Variants in ARPC2 observed in about 807,000 individuals in gnomAD.
ARPC2 encodes actin-related protein 2/3 complex subunit 2.
ARPC2 carries 4 observed loss-of-function variants against 38.6 expected under a neutral mutation model. That is an observed-to-expected ratio of 0.10 (90% CI 0.05 to 0.24). The LOEUF is 0.24. Ranked by LOEUF, ARPC2 falls within the 10% of genes least tolerant of loss-of-function variation. ARPC2 has a pLI of 1.00. For synonymous variants in ARPC2, 125 were observed against 140.8 expected (o/e 0.89, Z 0.79); for missense variants, 229 against 387.3 (o/e 0.59, Z 3.43).
intron 4 of ARPC2, among the ~76,000 whole-genome samples, chr2:218,232,084 T>C (rs1351804471): frequency 1.3e-5 from 2 of 151,858 alleles, no homozygotes; most frequent in East Asian, 3.9e-4. Flanking sequence ...TACTAAAAAA[T>C]ATAAAAATTA....
chr2:218,222,541 G>A (rs536372614), intron 2 of ARPC2, among the ~76,000 whole-genome samples: 13 of 152,168 alleles, frequency 8.5e-5, no homozygotes, highest in South Asian at 4.2e-4. Context: ...TTACCCAGCC[G>A]GCTTGTTCTA....
chr2:218,242,562 G>T (rs1052656745), intron 7 of ARPC2, among the ~76,000 whole-genome samples: 1 of 152,112 alleles, frequency 6.6e-6, no homozygotes, highest in Non-Finnish European at 1.5e-5. Flanking sequence ...CAGTAATTTT[G>T]GTAGACATTG....
Position 218,249,348 on chromosome 2 carries a change from T to C in ARPC2, c.677-16T>C, listed in dbSNP as rs773205276. 8 of 1,593,066 alleles carry C rather than the reference T, an allele frequency of 5.0e-6. No homozygotes were observed. The highest frequency in any genetic ancestry group is 6.9e-6 in the Non-Finnish European group (8 of 1,162,738). ...GTGTCGTGTCCTGACGCCTTGTTTG[T>C]GTCTTCCGCCTTCAGTGCTGTTCCC... On this transcript the variant is annotated splice_polypyrimidine_tract_variant and intron_variant, in intron 8 of 10. Transcript: ENST00000315717.
chr2:218,247,962 A>G (rs928677392), intron 8 of ARPC2, among the ~76,000 whole-genome samples: 8 of 151,738 alleles, frequency 5.3e-5, no homozygotes, highest in Non-Finnish European at 5.9e-5. Flanking sequence ...TAAAAAAAAA[A>G]AAAAGAAACA....
chr2:218,223,184 TAAAC>T (rs1461702721), intron 2 of ARPC2, among the ~76,000 whole-genome samples: 2 of 152,204 alleles, frequency 1.3e-5, no homozygotes, highest in African/African-American at 2.4e-5. Flanking sequence ...ATCCCAGAAA[TAAAC>T]AATCCATTAA....
chr2:218,244,191 T>G, intron 7 of ARPC2, among the ~76,000 whole-genome samples: 1 of 152,240 alleles, frequency 6.6e-6, no homozygotes, highest in East Asian at 1.9e-4. Flanking sequence ...AAAAGGGGAC[T>G]AATCTAACCC....
chr2:218,227,278 GAA>G (rs1689522220), intron 3 of ARPC2, among the ~76,000 whole-genome samples: 1 of 151,802 alleles, frequency 6.6e-6, no homozygotes, highest in Non-Finnish European at 1.5e-5. Flanking sequence ...AGATAGAACC[GAA>G]AAAGAGGGGA....
At chr2:218,238,935 C>T in intron 6 of ARPC2, 85 bp downstream of exon 6, 1 of 1,125,152 alleles carries the variant, frequency 8.9e-7, no homozygotes, top group Non-Finnish European at 1.3e-6. Flanking sequence ...CTTGGTCAAA[C>T]TTTCAGCTGT....
rs1196720623 is a variant in ARPC2, at chr2:218,217,192, G to C, written c.-71G>C. On this transcript the variant is annotated 5_prime_UTR_variant, in exon 1 of 11. Transcript: ENST00000315717. ...GGGCTGGGCGGGGACCGGGCTTGTC[G>C]GTGAAGCGGCAGTGGCGGCGGCGGC... is the stretch of plus-strand genomic sequence containing the variant. The C allele has an allele frequency of 7.0e-6, 3 of 429,152 alleles. No individual in the cohort carries two copies. Among genetic ancestry groups the C allele is most frequent in the South Asian group, 3.0e-5 (1 of 33,794 alleles). The allele number at this position is 429,152 out of a possible 1,614,324, so 26.6% of individuals were successfully genotyped here.
At chr2:218,228,716 A>T in intron 3 of ARPC2, 22 bp from the exon 4 acceptor site, 1 of 1,447,932 alleles carries the variant, frequency 6.9e-7, no homozygotes, top group Non-Finnish European at 9.7e-7. Context: ...TTGTTACGCA[A>T]TCTTATTTGC....
At chr2:218,217,425 C>A in intron 1 of ARPC2, 38 bp from the exon 2 acceptor site, 1 of 1,603,534 alleles carries the variant, frequency 6.2e-7, no homozygotes, top group Non-Finnish European at 8.5e-7. Context: ...CCCTTACCCA[C>A]CCTCACCGGC....
intron 5 of ARPC2, chr2:218,236,663 A>T (rs1170256015): frequency 6.6e-6 from 1 of 152,188 alleles, no homozygotes. Context: ...CTGGTGGCGC[A>T]TGCCTGTAAT....
At chr2:218,248,634 T>C (rs867683181) in intron 8 of ARPC2, among the ~76,000 whole-genome samples, 1 of 152,214 alleles carries the variant, frequency 6.6e-6, no homozygotes, top group Non-Finnish European at 1.5e-5. Flanking sequence ...CTAATTTTTA[T>C]ATTTTTAGTA....
At chr2:218,242,152 T>C (rs992169196) in intron 7 of ARPC2, among the ~76,000 whole-genome samples, 1 of 152,230 alleles carries the variant, frequency 6.6e-6, no homozygotes, top group Non-Finnish European at 1.5e-5. Flanking sequence ...AAGCAGGCTC[T>C]GAGGGATGCT....
intron 2 of ARPC2, 150 bp downstream of exon 2, chr2:218,217,694 C>CAA (rs1689286695): frequency 3.7e-6 from 3 of 808,130 alleles, no homozygotes; most frequent in Non-Finnish European, 3.9e-6. Context: ...ACGTGGGAGG[C>CAA]GATTGGGCGC....
At chr2:218,241,676 G>T (rs1331962957) in intron 7 of ARPC2, among the ~76,000 whole-genome samples, 4 of 152,220 alleles carry the variant, frequency 2.6e-5, no homozygotes, top group Non-Finnish European at 5.9e-5. Context: ...TTCCTTAGGA[G>T]AATTTTGTGT....
In ARPC2 at chr2:218,249,614, TC is replaced by T. The variant is rs1462596100; in HGVS notation, c.777+151del. ...GGCTTCAAGAAACCATGGTCTTTCTTCATCAAGCCACTGTCCCCCATCCCTC... is the reference window on the plus strand; with the variant it reads ...GGCTTCAAGAAACCATGGTCTTTCTTATCAAGCCACTGTCCCCCATCCCTC... On this transcript the variant is annotated intron_variant, in intron 9 of 10. Transcript: ENST00000315717. 8 of 765,864 alleles carry T rather than the reference TC, an allele frequency of 1.0e-5. No individual in the cohort carries two copies. The Admixed American group carries it at 2.4e-4, about 23-fold the overall frequency. 47.4% of individuals were successfully genotyped at this position (765,864 alleles called of 1,614,324 possible). A position where few individuals can be genotyped will look rare whatever the true frequency, so the allele number is the denominator to read the frequency against.
chr2:218,223,601 C>T (rs1689432168), intron 2 of ARPC2, among the ~76,000 whole-genome samples: 1 of 152,214 alleles, frequency 6.6e-6, no homozygotes, highest in Admixed American at 6.5e-5. Flanking sequence ...GGACATATAT[C>T]ATCTCAGTCT....
At chr2:218,243,094 T>C (rs1197802418) in intron 7 of ARPC2, among the ~76,000 whole-genome samples, 1 of 152,254 alleles carries the variant, frequency 6.6e-6, no homozygotes, top group Non-Finnish European at 1.5e-5. Flanking sequence ...ACATATTTTA[T>C]ACATGATTTT....
Sources: gnomAD v4.1 joint callset for allele counts (sites outside exome capture counted in the v4.1 genomes callset) on GRCh38, gnomAD v4.1.1 for gene constraint, MANE v1.5 for transcripts, NCBI Gene and HGNC (gene_info 2026-07-23, HGNC 2026-07-21) for gene names.